The following DAB1 variants were observed in gnomAD, a reference collection of about 807,000 sequenced individuals.
DAB1 encodes the protein disabled homolog 1.
Under a neutral mutation model 64.6 loss-of-function variants are expected in DAB1, and 15 were observed. The ratio of observed to expected loss-of-function variants is 0.23; its 90% CI spans 0.16 to 0.36. The LOEUF is 0.36. DAB1 is among the 10% of genes least tolerant of loss of function. The pLI is 1.00. For synonymous variants in DAB1, 235 were observed against 251.9 expected (o/e 0.93, Z 0.64); for missense variants, 596 against 706.7 (o/e 0.84, Z 1.78).
intron 1 of DAB1, among the ~76,000 whole-genome samples, chr1:57,827,388 G>A (rs1444376298): frequency 6.6e-6 from 1 of 152,176 alleles, no homozygotes; most frequent in Non-Finnish European, 1.5e-5. Context: ...TTCTAGCTTT[G>A]CAGTCAACAT....
At chr1:58,218,997 C>T (rs1462870544) in intron 4 of DAB1, among the ~76,000 whole-genome samples, 1 of 107,406 alleles carries the variant, frequency 9.3e-6, no homozygotes, top group Non-Finnish European at 1.9e-5. Context: ...CATTCTCTCT[C>T]TCTCTCTCTC....
chr1:58,243,248 A>G (rs1660379749), intron 4 of DAB1, among the ~76,000 whole-genome samples: 1 of 152,148 alleles, frequency 6.6e-6, no homozygotes. Flanking sequence ...AAAGAAAAAA[A>G]AAGGTCATTT....
At chr1:57,215,782 C>T (rs550830646) in intron 2 of DAB1, among the ~76,000 whole-genome samples, 1 of 152,248 alleles carries the variant, frequency 6.6e-6, no homozygotes, top group Non-Finnish European at 1.5e-5. Context: ...TTTTTTCCTT[C>T]GACATGAATT....
chr1:58,225,990 A>G (rs932743782), intron 4 of DAB1, among the ~76,000 whole-genome samples: 1 of 149,686 alleles, frequency 6.7e-6, no homozygotes, highest in Non-Finnish European at 1.5e-5. Context: ...TGAGGCTCAG[A>G]CAGATGATGT....
intron 4 of DAB1, among the ~76,000 whole-genome samples, chr1:58,187,884 T>C (rs1278292772): frequency 4.7e-5 from 7 of 149,876 alleles, no homozygotes; most frequent in Admixed American, 3.3e-4. Flanking sequence ...TGTTTTTTTT[T>C]TTTTCTTTGA....
At chr1:57,611,128 C>CTTTTTTTTTTTTTTTTTTTTGTT (rs5774360) in intron 7 of DAB1, among the ~76,000 whole-genome samples, 1 of 111,972 alleles carries the variant, frequency 8.9e-6, no homozygotes. Flanking sequence ...CGTGCAGTGG[C>CTTTTTTTTTTTTTTTTTTTTGTT]TTTTTTTTTT....
chr1:57,165,132 C>T (rs1051379995), intron 2 of DAB1, among the ~76,000 whole-genome samples: 2 of 152,074 alleles, frequency 1.3e-5, no homozygotes, highest in Admixed American at 6.6e-5. Context: ...CTCAAATTGC[C>T]GCATTTTGTA....
In DAB1 at chr1:57,070,393, C is replaced by A. The variant is rs80199282; in HGVS notation, c.597+630G>T. On this transcript the variant is annotated intron_variant, in intron 7 of 14. Coordinates refer to ENST00000371236, the MANE Select transcript of DAB1 (RefSeq NM_001365792.1). ...TTTTCTGCATCTCTGTTTGAACAGA[C>A]CACATGCTTGACCTCAAGAGAGATC... is the stretch of plus-strand genomic sequence containing the variant. Among the ~76,000 whole-genome samples, 22 of 152,268 alleles carry A rather than the reference C, an allele frequency of 1.4e-4. No homozygotes were observed. In the East Asian group the frequency reaches 4.3e-3, roughly 29 times the overall value.
At chr1:58,096,736 C>G (rs1448883911) in intron 5 of DAB1, among the ~76,000 whole-genome samples, 1 of 152,212 alleles carries the variant, frequency 6.6e-6, no homozygotes, top group Non-Finnish European at 1.5e-5. Context: ...GCCTTGAGGG[C>G]AAAGAGCCAA....
At chr1:57,167,372 C>T (rs113366696) in intron 2 of DAB1, among the ~76,000 whole-genome samples, 6 of 152,192 alleles carry the variant, frequency 3.9e-5, no homozygotes, top group African/African-American at 1.4e-4. Flanking sequence ...ACTTTACTGC[C>T]CCCTCCTTCT....
intron 5 of DAB1, among the ~76,000 whole-genome samples, chr1:58,032,143 C>G (rs1405951511): frequency 6.6e-6 from 1 of 151,804 alleles, no homozygotes; most frequent in East Asian, 1.9e-4. Context: ...CCAGCCAGAC[C>G]CTAGTGCTAG....
intron 7 of DAB1, among the ~76,000 whole-genome samples, chr1:57,641,158 G>A (rs929631309): frequency 6.6e-6 from 1 of 152,032 alleles, no homozygotes; most frequent in African/African-American, 2.4e-5. Flanking sequence ...AGCAAATTGA[G>A]GCCTGGGAGT....
chr1:57,084,314 C>A (rs1394207916), intron 4 of DAB1, among the ~76,000 whole-genome samples: 1 of 152,156 alleles, frequency 6.6e-6, no homozygotes, highest in Admixed American at 6.5e-5. Context: ...ATGCCAAAGG[C>A]TGCCAGCAAT....
intron 2 of DAB1, among the ~76,000 whole-genome samples, chr1:57,221,372 T>C (rs1475182991): frequency 6.6e-6 from 1 of 151,718 alleles, no homozygotes; most frequent in Non-Finnish European, 1.5e-5. Flanking sequence ...GTTGTGCACA[T>C]GTACCCTAGA....
intron 1 of DAB1, among the ~76,000 whole-genome samples, chr1:57,870,452 T>C (rs749048258): frequency 3.0e-4 from 46 of 152,128 alleles, no homozygotes; most frequent in Non-Finnish European, 5.1e-4. Context: ...GACTTAGGCA[T>C]TACATAGACT....
chr1:57,025,975 A>T lies in DAB1; in HGVS notation c.786+6T>A. On this transcript the variant is annotated splice_donor_region_variant and intron_variant, in intron 10 of 14. Coordinates refer to ENST00000371236, the MANE Select transcript of DAB1 (RefSeq NM_001365792.1). ...GAGCAGGGTTCAGAGAGCAATGCAT[A>T]CTTACGGGGGGAGAGGTTATATCAG... The T allele has an allele frequency of 6.4e-7, 1 of 1,572,840 alleles. No homozygotes were observed. The highest frequency in any genetic ancestry group is 8.6e-7 in the Non-Finnish European group (1 of 1,162,820).
At chr1:58,371,251 T>A (rs898874983) in intron 3 of DAB1, among the ~76,000 whole-genome samples, 4 of 152,204 alleles carry the variant, frequency 2.6e-5, no homozygotes, top group African/African-American at 9.7e-5. Flanking sequence ...CTTGCTATGC[T>A]TTAGAAAAGA....
chr1:56,997,195 T>C lies in DAB1; in HGVS notation c.*949A>G, dbSNP rs1282151750. On this transcript the variant is annotated 3_prime_UTR_variant, in exon 15 of 15. Transcript: ENST00000371236. ...CACGTGGAGAAGACACTTGTCTGCA[T>C]AGCAACACAGCAGCAAGATATCGGA... 6.6e-6 allele frequency: 1 copy of C among 152,258 alleles called. No individual in the cohort carries two copies. Among genetic ancestry groups the C allele is most frequent in the Non-Finnish European group, 1.5e-5 (1 of 68,052 alleles). 9.4% of individuals were successfully genotyped at this position (152,258 alleles called of 1,614,324 possible). A position where few individuals can be genotyped will look rare whatever the true frequency, so the allele number is the denominator to read the frequency against.
At chr1:57,869,506 A>C (rs903965970) in intron 1 of DAB1, among the ~76,000 whole-genome samples, 2 of 151,962 alleles carry the variant, frequency 1.3e-5, no homozygotes, top group East Asian at 1.9e-4. Flanking sequence ...AGAGGAGAAG[A>C]AGCCTACTCT....
Sources: gnomAD v4.1 joint callset for allele counts (sites outside exome capture counted in the v4.1 genomes callset) on GRCh38, gnomAD v4.1.1 for gene constraint, MANE v1.5 for transcripts, NCBI Gene and HGNC (gene_info 2026-07-23, HGNC 2026-07-21) for gene names.